Variants in OXSR1 observed in about 807,000 individuals in gnomAD.
The protein encoded by OXSR1 is oxidative stress responsive kinase 1, also known as serine/threonine-protein kinase OSR1.
OXSR1 carries 24 observed loss-of-function variants against 79.8 expected under a neutral mutation model. The ratio of observed to expected loss-of-function variants is 0.30; its 90% CI spans 0.22 to 0.42. The LOEUF is 0.42. Among genes scored for constraint, OXSR1 ranks in the 10% least tolerant of loss-of-function variants. OXSR1 has a pLI of 1.00. For missense variants in OXSR1, 430 were observed against 618.4 expected (o/e 0.70, Z 3.23); for synonymous variants, 226 against 209.2 (o/e 1.08, Z -0.69).
Position 38,180,525 on chromosome 3 carries a change from CTTTTTTTTTTTTTT to C in OXSR1, c.71-2467_71-2454del, listed in dbSNP as rs35081111. On this transcript the variant is annotated intron_variant, in intron 1 of 17. Transcript: ENST00000311806. ...CTGGCTCATGTCTGTATAGCTCCAACTTTTTTTTTTTTTTTTTTTTTTTTGAGACAGAGTATCAC... is the reference window on the plus strand; with the variant it reads ...CTGGCTCATGTCTGTATAGCTCCAACTTTTTTTTTTGAGACAGAGTATCAC... Among the ~76,000 whole-genome samples the C allele has an allele frequency of 6.2e-4, 68 of 108,970 alleles. 1 individual carries two copies. The highest frequency in any genetic ancestry group is 2.0e-3 in the Admixed American group (19 of 9,738). The allele number at this position is 108,970 out of a possible 152,430, so 71.5% of individuals were successfully genotyped here.
chr3:38,215,155 GA>G (rs1702458465), intron 4 of OXSR1, among the ~76,000 whole-genome samples: 1 of 152,196 alleles, frequency 6.6e-6, no homozygotes, highest in Non-Finnish European at 1.5e-5. Flanking sequence ...ATGGTGTCAT[GA>G]AATGCACTGG....
chr3:38,224,631 G>A lies in OXSR1; in HGVS notation c.763G>A (p.Glu255Lys). 6.3e-7 allele frequency: 1 copy of A among 1,594,906 alleles called. No homozygotes were observed. The highest frequency in any genetic ancestry group is 8.5e-7 in the Non-Finnish European group (1 of 1,171,084). ...PSLETGVQDK[E>K]MLKKYGKSFR... ...TTTGGAAACTGGTGTTCAAGATAAA[G>A]AAATGCTGAAAAAATATGGAAAATC... The change falls in exon 8 of 18, where the codon GAA (glutamate) becomes AAA (lysine). Residue 255 changes from glutamate (E) to lysine (K), a missense_variant. Around this residue, in one of 3 missense-constraint regions of OXSR1, gnomAD observed 276 missense variants for 354.2 expected, o/e 0.78. Transcript: ENST00000311806.
intron 1 of OXSR1, among the ~76,000 whole-genome samples, chr3:38,171,949 A>G (rs2125800611): frequency 6.6e-6 from 1 of 152,322 alleles, no homozygotes; most frequent in Middle Eastern, 3.4e-3. Flanking sequence ...TCTTAGACAA[A>G]TTATATGATT....
At chr3:38,216,527 C>T (rs775992020) in intron 5 of OXSR1, among the ~76,000 whole-genome samples, 38 of 152,096 alleles carry the variant, frequency 2.5e-4, no homozygotes, top group Admixed American at 1.0e-3. Flanking sequence ...TTCTTCTGTC[C>T]TGGGGGAAAT....
chr3:38,225,322 C>G (rs1035818685), intron 8 of OXSR1, among the ~76,000 whole-genome samples: 1 of 152,098 alleles, frequency 6.6e-6, no homozygotes, highest in Non-Finnish European at 1.5e-5. Flanking sequence ...ATCTCAAAGT[C>G]CTGATTCCTA....
intron 1 of OXSR1, among the ~76,000 whole-genome samples, chr3:38,170,841 C>G (rs1335241179): frequency 6.6e-6 from 1 of 152,200 alleles, no homozygotes; most frequent in Non-Finnish European, 1.5e-5. Context: ...GGAATGTAAT[C>G]ACAGCTCACT....
At chr3:38,176,164 G>A (rs1559500031) in intron 1 of OXSR1, among the ~76,000 whole-genome samples, 1 of 151,852 alleles carries the variant, frequency 6.6e-6, no homozygotes, top group Non-Finnish European at 1.5e-5. Context: ...TTTTTGTTAT[G>A]TGCAGTGTAT....
chr3:38,231,173 T>G lies in OXSR1; in HGVS notation c.951+743T>G, dbSNP rs574628010. On this transcript the variant is annotated intron_variant, in intron 10 of 17. Coordinates refer to ENST00000311806, the MANE Select transcript of OXSR1 (RefSeq NM_005109.3). ...TCACTGCTTGGGAATTTTGATACAT[T>G]CCAAGAATTTAACACAATGAAGAAC... is the stretch of plus-strand genomic sequence containing the variant. Among the ~76,000 whole-genome samples the G allele has an allele frequency of 1.1e-3, 173 of 152,132 alleles. 2 individuals are homozygous for G. The highest frequency in any genetic ancestry group is 9.8e-4 in the Non-Finnish European group (67 of 68,028).
At chr3:38,249,196 G>T (rs774570579) in intron 14 of OXSR1, among the ~76,000 whole-genome samples, 4 of 152,072 alleles carry the variant, frequency 2.6e-5, no homozygotes, top group Non-Finnish European at 4.4e-5. Flanking sequence ...ATAGATTTGA[G>T]TCCTAAGTGA....
intron 8 of OXSR1, among the ~76,000 whole-genome samples, chr3:38,228,991 A>G (rs1702751362): frequency 6.6e-6 from 1 of 152,214 alleles, no homozygotes; most frequent in South Asian, 2.1e-4. Context: ...AGGATCAGGT[A>G]GGTGTGTGGC....
At chr3:38,212,651 G>C (rs1702409703) in intron 4 of OXSR1, among the ~76,000 whole-genome samples, 1 of 152,226 alleles carries the variant, frequency 6.6e-6, no homozygotes, top group South Asian at 2.1e-4. Flanking sequence ...TTAATGAAAA[G>C]TCAAGCGTGT....
At chr3:38,189,572 A>G (rs1006393820) in intron 2 of OXSR1, among the ~76,000 whole-genome samples, 4 of 152,192 alleles carry the variant, frequency 2.6e-5, no homozygotes, top group African/African-American at 4.8e-5. Context: ...TCAGTCAGGG[A>G]TTATGGACGA....
intron 8 of OXSR1, among the ~76,000 whole-genome samples, chr3:38,229,483 A>T (rs969330329): frequency 5.9e-5 from 9 of 152,094 alleles, no homozygotes; most frequent in African/African-American, 2.2e-4. Context: ...AATTATCAGA[A>T]TATTTGTTTT....
chr3:38,213,706 A>C (rs1236876937), intron 4 of OXSR1, among the ~76,000 whole-genome samples: 5 of 152,166 alleles, frequency 3.3e-5, no homozygotes, highest in Non-Finnish European at 7.4e-5. Context: ...GTAAATCTGA[A>C]ACTGTCCTAA....
rs1202436620 is a variant in OXSR1 at position 38,207,932 on chromosome 3, TTTCCTTCCTTCC to T, written c.435-8145_435-8134del. 1.5e-4 allele frequency among the ~76,000 whole-genome samples: 14 copies of T among 95,156 alleles called. No homozygotes were observed. The East Asian group carries it at 1.5e-3, about 11-fold the overall frequency. The allele number at this position is 95,156 out of a possible 152,430, so 62.4% of individuals were successfully genotyped here. A position where few individuals can be genotyped will look rare whatever the true frequency, so the allele number is the denominator to read the frequency against. Reference sequence around the variant, plus strand: ...TCCCCCTCCCCTCCCCTCCCCTCCCTTTCCTTCCTTCCTTCCTTCCTTCCTTCCTTTCTTCCT... The same window carrying T: ...TCCCCCTCCCCTCCCCTCCCCTCCCTTTCCTTCCTTCCTTCCTTTCTTCCT... On this transcript the variant is annotated intron_variant, in intron 4 of 17. Coordinates refer to ENST00000311806, the MANE Select transcript of OXSR1 (RefSeq NM_005109.3).
chr3:38,203,343 G>A (rs1024568704), intron 4 of OXSR1, among the ~76,000 whole-genome samples: 3 of 152,000 alleles, frequency 2.0e-5, no homozygotes, highest in Non-Finnish European at 2.9e-5. Flanking sequence ...GCGCCCAGCC[G>A]TTCCGGGCCA....
chr3:38,206,685 G>T (rs1702269620), intron 4 of OXSR1, among the ~76,000 whole-genome samples: 1 of 152,140 alleles, frequency 6.6e-6, no homozygotes, highest in African/African-American at 2.4e-5. Flanking sequence ...CTAAGTAAAA[G>T]AGGACAACAC....
intron 2 of OXSR1, among the ~76,000 whole-genome samples, chr3:38,188,112 G>GT (rs1190141537): frequency 1.3e-5 from 2 of 152,048 alleles, no homozygotes; most frequent in Middle Eastern, 3.2e-3. Context: ...TGGATTTTGT[G>GT]TTTTTTTGAT....
chr3:38,216,380 G>A (rs1702483165), intron 5 of OXSR1, among the ~76,000 whole-genome samples: 1 of 151,870 alleles, frequency 6.6e-6, no homozygotes, highest in African/African-American at 2.4e-5. Context: ...TTTCCTTCCA[G>A]CTATCCACTC....
Sources: gnomAD v4.1 joint callset for allele counts (sites outside exome capture counted in the v4.1 genomes callset) on GRCh38, gnomAD v4.1.1 for gene constraint, gnomAD v4.1.1 regional missense constraint, MANE v1.5 for transcripts, NCBI Gene and HGNC (gene_info 2026-07-23, HGNC 2026-07-21) for gene names.